Variants in DNHD1 observed in about 807,000 individuals in gnomAD.
The protein encoded by DNHD1 is dynein heavy chain domain 1.
A neutral mutation model predicts 458.1 loss-of-function variants in DNHD1; 383 were observed. The observed-to-expected ratio is 0.84, with a 90% CI of 0.77 to 0.91. DNHD1 has a LOEUF of 0.91. Ranked by LOEUF, DNHD1 falls within the 40% of genes least tolerant of loss-of-function variation. DNHD1 has a pLI of 0.00. For missense variants in DNHD1, 5,336 were observed against 5,866.1 expected (o/e 0.91, Z 2.95); for synonymous variants, 2,203 against 2,376.9 (o/e 0.93, Z 2.13).
At chr11:6,559,308 C>G in intron 28 of DNHD1, 25 bp downstream of exon 28, 1 of 1,543,112 alleles carries the variant, frequency 6.5e-7, no homozygotes, top group South Asian at 1.2e-5. Context: ...TTGAGGCTTC[C>G]ATGGTGGTGT....
In DNHD1 at chr11:6,548,141, G is replaced by A. The variant is rs2134433257; in HGVS notation, c.6906-69G>A. ...CATCACTGTTAGGGTATGGTGGAGTGTGTGAGTGTGTCATAAATGGAAGTG... is the reference window on the plus strand; with the variant it reads ...CATCACTGTTAGGGTATGGTGGAGTATGTGAGTGTGTCATAAATGGAAGTG... On this transcript the variant is annotated intron_variant, in intron 22 of 42. Coordinates refer to ENST00000254579, the MANE Select transcript of DNHD1 (RefSeq NM_144666.3). The surrounding 1 kb of genome is among the most constrained non-coding windows in gnomAD (Gnocchi z 4.4). The A allele has an allele frequency of 1.3e-6, 2 of 1,544,256 alleles. No individual in the cohort carries two copies. Among genetic ancestry groups the A allele is most frequent in the South Asian group, 2.4e-5 (2 of 83,944 alleles).
intron 13 of DNHD1, 72 bp downstream of exon 13, chr11:6,533,256 T>G: frequency 1.4e-6 from 2 of 1,446,046 alleles, no homozygotes; most frequent in Non-Finnish European, 1.9e-6. Flanking sequence ...CACACTCTCT[T>G]CAGGTCTCTG....
In DNHD1 at chr11:6,571,695, G is replaced by A. The variant is rs1256540057; in HGVS notation, c.13971G>A (p.Gln4657=). ...PERGLLLIGL[Q]VLHAEWDPIA... The stretch of plus-strand genomic sequence containing the variant: ...GAGGGCTGCTGCTGATCGGGCTACA[G>A]GTCCTACATGCGGAGTGGGACCCAA... Residue 4657 remains glutamine (Q), a synonymous_variant, in exon 43 of 43, where the codon CAG becomes CAA. Transcript: ENST00000254579. This position sits in a 1 kb window ranked among gnomAD's most constrained non-coding sequence, Gnocchi z 5.0. The A allele has an allele frequency of 6.8e-6, 11 of 1,611,818 alleles. No homozygotes were observed. The highest frequency in any genetic ancestry group is 9.3e-6 in the Non-Finnish European group (11 of 1,178,966).
chr11:6,558,540 C>G lies in DNHD1; in HGVS notation c.9058C>G (p.Gln3020Glu). The stretch of plus-strand genomic sequence containing the variant: ...CCTGTTCTTCCTGATTGGAGATAAA[C>G]AGGCCCACAAGCAGCTGCCCTCCAC... ...LHLFFLIGDKQAHKQLPSTLF... is the reference protein window; with the variant it reads ...LHLFFLIGDKEAHKQLPSTLF... Residue 3020 changes from glutamine to glutamate, a missense_variant, in exon 26 of 43, where the codon CAG becomes GAG. Gln to Glu is a conservative substitution (Grantham distance 29). This residue lies in a region of DNHD1 where 3,932 missense variants were observed against 4,365.6 expected (regional missense o/e 0.90). Transcript: ENST00000254579. 6.4e-7 allele frequency: 1 copy of G among 1,551,732 alleles called. No individual in the cohort carries two copies. The highest frequency in any genetic ancestry group is 8.7e-7 in the Non-Finnish European group (1 of 1,147,000).
In DNHD1 at chr11:6,566,378, T is replaced by G. The variant is rs1218917102; in HGVS notation, c.11191T>G (p.Cys3731Gly). ...GTATCTCAGCACCACCCTCTCCCTCTGTGCCATGGAAAAAGGTGAGGCCCA... is the reference window on the plus strand; with the variant it reads ...GTATCTCAGCACCACCCTCTCCCTCGGTGCCATGGAAAAAGGTGAGGCCCA... ...CLYLSTTLSL[C>G]AMEKVLGCEL... Residue 3731 changes from cysteine (C) to glycine (G), a missense_variant, in exon 34 of 43, where the codon TGT (cysteine) becomes GGT (glycine). Physicochemically the swap from Cys to Gly is radical, Grantham distance 159 (BLOSUM62 -3). Transcript: ENST00000254579. 6.4e-7 allele frequency: 1 copy of G among 1,559,004 alleles called. No homozygotes were observed. The highest frequency in any genetic ancestry group is 8.7e-7 in the Non-Finnish European group (1 of 1,151,228).
At chr11:6,520,958 T>C (rs1429149082) in intron 10 of DNHD1, 9 of 851,718 alleles carry the variant, frequency 1.1e-5, no homozygotes, top group Non-Finnish European at 1.3e-5. Context: ...TTTTAGGGAA[T>C]AGGTGACAAG....
chr11:6,547,515 C>T lies in DNHD1; in HGVS notation c.6576C>T (p.Phe2192=), dbSNP rs1162563457. Residue 2192 remains phenylalanine, a synonymous_variant, in exon 21 of 43, where the codon TTC becomes TTT. Transcript: ENST00000254579. ...TTCTGGTGCCTGCAACATTGCGATTCCTCACCTGCCAAGGTGTCAGCTCTC... is the reference window on the plus strand; with the variant it reads ...TTCTGGTGCCTGCAACATTGCGATTTCTCACCTGCCAAGGTGTCAGCTCTC... ...AEVLVPATLR[F]LTCQGVSSLL... The T allele has an allele frequency of 1.0e-5, 16 of 1,551,162 alleles. No individual in the cohort carries two copies. Among genetic ancestry groups the T allele is most frequent in the Non-Finnish European group, 1.0e-5 (12 of 1,146,490 alleles).
rs531232441 is a variant in DNHD1 at position 6,529,053 on chromosome 11, T to G, written c.2279T>G (p.Met760Arg). Residue 760 changes from methionine to arginine, a missense_variant, in exon 12 of 43, where the codon ATG (methionine) becomes AGG (arginine). Met to Arg is a moderately conservative substitution (Grantham distance 91). Coordinates refer to ENST00000254579, the MANE Select transcript of DNHD1 (RefSeq NM_144666.3). ...LNVWQARVSSMPIELLTKGGL... is the reference protein window; with the variant it reads ...LNVWQARVSSRPIELLTKGGL... ...GTTTGGCAGGCCCGTGTCTCCAGTA[T>G]GCCTATCGAGTTGCTCACAAAAGGC... 6.4e-7 allele frequency: 1 copy of G among 1,550,952 alleles called. No individual in the cohort carries two copies. The highest frequency in any genetic ancestry group is 1.2e-5 in the South Asian group (1 of 84,014).
chr11:6,567,326 T>C lies in DNHD1; in HGVS notation c.11817T>C (p.Ala3939=), dbSNP rs774818354. The part of the protein sequence containing the change: ...TQVPLVGALG[A]LALLQATGKA... ...TACCCTTGGTGGGTGCATTGGGCGCTTTGGCTCTGCTGCAAGCAACAGGGA... is the reference window on the plus strand; with the variant it reads ...TACCCTTGGTGGGTGCATTGGGCGCCTTGGCTCTGCTGCAAGCAACAGGGA... Residue 3939 remains alanine (A), a synonymous_variant, in exon 36 of 43, where the codon GCT becomes GCC. Coordinates refer to ENST00000254579, the MANE Select transcript of DNHD1 (RefSeq NM_144666.3). 1 of 1,613,936 alleles carries C rather than the reference T, an allele frequency of 6.2e-7. No individual in the cohort carries two copies. The highest frequency in any genetic ancestry group is 1.3e-5 in the African/African-American group (1 of 74,940).
intron 10 of DNHD1, among the ~76,000 whole-genome samples, chr11:6,523,260 A>T (rs199688553): frequency 1.3e-5 from 2 of 152,190 alleles, no homozygotes; most frequent in East Asian, 3.8e-4. Context: ...ATGCAAAAAT[A>T]TGAAAACTGT....
chr11:6,571,815 A>G lies in DNHD1; in HGVS notation c.14091A>G (p.Pro4697=), dbSNP rs759531795. 1.2e-6 allele frequency: 2 copies of G among 1,614,000 alleles called. No individual in the cohort carries two copies. The highest frequency in any genetic ancestry group is 1.7e-6 in the Non-Finnish European group (2 of 1,179,896). ...STQAPGTSDL[P]APADLTVYSC... is the part of the protein sequence containing the mutation. ...AGGCCCCGGGCACCAGTGACCTGCC[A>G]GCCCCAGCCGACCTGACTGTGTACT... Residue 4697 remains proline, a synonymous_variant, in exon 43 of 43, where the codon CCA becomes CCG. Coordinates refer to ENST00000254579, the MANE Select transcript of DNHD1 (RefSeq NM_144666.3). The surrounding 1 kb of genome is among the most constrained non-coding windows in gnomAD (Gnocchi z 5.0).
rs1157022938 is a variant in DNHD1, at chr11:6,564,546, C to A, written c.10498C>A (p.Pro3500Thr). 1 of 1,551,694 alleles carries A rather than the reference C, an allele frequency of 6.4e-7. No homozygotes were observed. Residue 3500 changes from proline (P) to threonine (T), a missense_variant, in exon 32 of 43, where the codon CCC (proline) becomes ACC (threonine). Pro to Thr is a conservative substitution (Grantham distance 38). This residue lies in a region of DNHD1 where 3,932 missense variants were observed against 4,365.6 expected (regional missense o/e 0.90). Coordinates refer to ENST00000254579, the MANE Select transcript of DNHD1 (RefSeq NM_144666.3). ...ATCTGTCAGCATACCACCAAAGAACCCCCTGCTGGCTACACACTCTCCCTT... is the reference window on the plus strand; with the variant it reads ...ATCTGTCAGCATACCACCAAAGAACACCCTGCTGGCTACACACTCTCCCTT... Reference protein sequence around the residue: ...QKSVSIPPKNPLLATHSPFSI... With the variant: ...QKSVSIPPKNTLLATHSPFSI...
At position 6,556,937 on chromosome 11, in the gene DNHD1, G is replaced by C; in HGVS notation, c.7642G>C (p.Glu2548Gln). Residue 2548 changes from glutamate to glutamine, a missense_variant, in exon 25 of 43, where the codon GAG (glutamate) becomes CAG (glutamine). This residue lies in a region of DNHD1 where 3,932 missense variants were observed against 4,365.6 expected (regional missense o/e 0.90). Transcript: ENST00000254579. ...RHVPIIQAWL[E>Q]RFPSVERERA... ...TGTGCCTATCATTCAGGCTTGGCTT[G>C]AGCGTTTCCCTTCTGTGGAACGGGA... 3 of 1,551,712 alleles carry C rather than the reference G, an allele frequency of 1.9e-6. No individual in the cohort carries two copies. The highest frequency in any genetic ancestry group is 2.6e-6 in the Non-Finnish European group (3 of 1,147,006).
At chr11:6,509,551 A>T (rs898252733) in intron 6 of DNHD1, among the ~76,000 whole-genome samples, 1 of 152,148 alleles carries the variant, frequency 6.6e-6, no homozygotes, top group Non-Finnish European at 1.5e-5. Flanking sequence ...AATAGAATAT[A>T]TTCTCTATGG....
chr11:6,509,114 G>A (rs1852285898), intron 5 of DNHD1, 31 bp downstream of exon 5: 2 of 1,614,088 alleles, frequency 1.2e-6, no homozygotes, highest in Middle Eastern at 1.6e-4. Flanking sequence ...GATTTGGGGG[G>A]AAATGGATGA....
At chr11:6,507,395 G>T (rs1208484212) in intron 4 of DNHD1, among the ~76,000 whole-genome samples, 1 of 152,160 alleles carries the variant, frequency 6.6e-6, no homozygotes, top group Non-Finnish European at 1.5e-5. Context: ...GATATAATAG[G>T]TGTATCTAGT....
chr11:6,563,078 C>G lies in DNHD1; in HGVS notation c.9616C>G (p.Leu3206Val), dbSNP rs959403636. ...CRHQENLIEN[L>V]ARQRDALQAQ... is the part of the protein sequence containing the mutation. Reference sequence around the variant, plus strand: ...GCATCAAGAGAACCTCATTGAGAACCTGGCCAGGCAACGGGATGCCCTGCA... The same window carrying G: ...GCATCAAGAGAACCTCATTGAGAACGTGGCCAGGCAACGGGATGCCCTGCA... Residue 3206 changes from leucine (L) to valine (V), a missense_variant, in exon 29 of 43, where the codon CTG (leucine) becomes GTG (valine). Transcript: ENST00000254579. 1 of 1,551,582 alleles carries G rather than the reference C, an allele frequency of 6.4e-7. No individual in the cohort carries two copies. Among genetic ancestry groups the G allele is most frequent in the Non-Finnish European group, 8.7e-7 (1 of 1,147,000 alleles).
In DNHD1 at chr11:6,571,573, C is replaced by T. The variant is rs1479441276; in HGVS notation, c.13912-63C>T. On this transcript the variant is annotated intron_variant, in intron 42 of 42. Coordinates refer to ENST00000254579, the MANE Select transcript of DNHD1 (RefSeq NM_144666.3). The surrounding 1 kb of genome is among the most constrained non-coding windows in gnomAD (Gnocchi z 5.0). The stretch of plus-strand genomic sequence containing the variant: ...ACCACGACCTCCTACCCGCTAACCC[C>T]CACTTCCCACCTGCCACCTCCCAGC... The T allele has an allele frequency of 9.5e-6, 14 of 1,474,846 alleles. No individual in the cohort carries two copies. The Admixed American group carries it at 2.8e-4, about 29-fold the overall frequency. 91.4% of individuals were successfully genotyped at this position (1,474,846 alleles called of 1,614,324 possible). A position where few individuals can be genotyped will look rare whatever the true frequency, so the allele number is the denominator to read the frequency against.
At position 6,564,418 on chromosome 11, in the gene DNHD1, T is replaced by G. The variant is rs1267167519; in HGVS notation, c.10370T>G (p.Leu3457Trp). Residue 3457 changes from leucine (L) to tryptophan (W), a missense_variant, in exon 32 of 43, where the codon TTG (leucine) becomes TGG (tryptophan). Leu to Trp is a moderately conservative substitution (Grantham distance 61). Coordinates refer to ENST00000254579, the MANE Select transcript of DNHD1 (RefSeq NM_144666.3). ...ATCTACCTGGGTCCCTTCCCACCATTGCGGCGCCAAGAGCTACTGGACGAG... is the reference window on the plus strand; with the variant it reads ...ATCTACCTGGGTCCCTTCCCACCATGGCGGCGCCAAGAGCTACTGGACGAG... ...AIIYLGPFPP[L>W]RRQELLDEWL... The G allele has an allele frequency of 6.4e-7, 1 of 1,551,532 alleles. No individual in the cohort carries two copies. The highest frequency in any genetic ancestry group is 2.4e-5 in the East Asian group (1 of 40,938).
Sources: gnomAD v4.1 joint callset for allele counts (sites outside exome capture counted in the v4.1 genomes callset) on GRCh38, gnomAD v4.1.1 for gene constraint, gnomAD v4.1.1 regional missense constraint, Gnocchi (gnomAD v3.1) non-coding constraint, MANE v1.5 for transcripts, NCBI Gene and HGNC (gene_info 2026-07-23, HGNC 2026-07-21) for gene names.